Variants in CABP7 observed in about 807,000 individuals in gnomAD.
CABP7 encodes calcium-binding protein 7.
A neutral mutation model predicts 23.1 loss-of-function variants in CABP7; 13 were observed. That is an observed-to-expected ratio of 0.56 (90% CI 0.37 to 0.90). The LOEUF is 0.90. CABP7 is among the 40% of genes least tolerant of loss of function. The pLI, the probability that CABP7 is intolerant of heterozygous loss-of-function variation, is 0.01. For missense variants in CABP7, 248 were observed against 295.6 expected, an observed-to-expected ratio of 0.84 and a Z score of 1.18; for synonymous variants, 123 against 115.3, an observed-to-expected ratio of 1.07 and a Z score of -0.43.
In CABP7 at chr22:29,727,226, C is replaced by T. The variant is rs904524135; in HGVS notation, c.110-436C>T. On this transcript the variant is annotated intron_variant, in intron 1 of 4. Transcript: ENST00000216144. The surrounding 1 kb of genome is among the most constrained non-coding windows in gnomAD (Gnocchi z 4.2). Reference sequence around the variant, plus strand: ...GGCCGGTGTTAAGGATCTAAGGATCCGAGCCTGGGGGAGGAGGCGCAGCGG... The same window carrying T: ...GGCCGGTGTTAAGGATCTAAGGATCTGAGCCTGGGGGAGGAGGCGCAGCGG... 1.1e-5 allele frequency among the ~76,000 whole-genome samples: 1 copy of T among 88,040 alleles called. No individual in the cohort carries two copies. Among genetic ancestry groups the T allele is most frequent in the Middle Eastern group, 5.8e-3 (1 of 172 alleles). 57.8% of individuals were successfully genotyped at this position (88,040 alleles called of 152,430 possible). A position where few individuals can be genotyped will look rare whatever the true frequency, so the allele number is the denominator to read the frequency against.
intron 1 of CABP7, among the ~76,000 whole-genome samples, chr22:29,726,141 T>C (rs998369884): frequency 5.9e-5 from 9 of 151,986 alleles, no homozygotes; most frequent in Non-Finnish European, 1.2e-4. Flanking sequence ...GGAGACGAGA[T>C]TCCCAGGTCC....
intron 1 of CABP7, among the ~76,000 whole-genome samples, chr22:29,722,368 G>A (rs1023801489): frequency 5.3e-5 from 8 of 152,222 alleles, no homozygotes; most frequent in Admixed American, 1.3e-4. Flanking sequence ...GCCCAGCTGC[G>A]TTAGTCACCA....
intron 3 of CABP7, 70 bp downstream of exon 3, chr22:29,728,812 C>A: frequency 8.2e-7 from 1 of 1,218,474 alleles, no homozygotes; most frequent in Non-Finnish European, 1.2e-6. Context: ...CAGTGAATGG[C>A]TGGGCCCACA....
In CABP7 at chr22:29,720,492, C is replaced by T. The variant is rs773799139; in HGVS notation, c.68C>T (p.Ser23Leu). 1.3e-6 allele frequency: 2 copies of T among 1,560,998 alleles called. No homozygotes were observed. Among genetic ancestry groups the T allele is most frequent in the South Asian group, 1.2e-5 (1 of 86,828 alleles). The change falls in exon 1 of 5, where the codon TCG (serine) becomes TTG (leucine). Residue 23 changes from serine to leucine, a missense_variant. Coordinates refer to ENST00000216144, the MANE Select transcript of CABP7 (RefSeq NM_182527.3). The surrounding 1 kb of genome is among the most constrained non-coding windows in gnomAD (Gnocchi z 5.2). ...RGIYTVPNLL[S>L]EQRPVDIPED... ...ATCTACACCGTGCCCAACCTGCTGT[C>T]GGAGCAGCGCCCGGTGGACATCCCG...
Position 29,729,769 on chromosome 22 carries a change from G to A in CABP7, c.*200G>A. On this transcript the variant is annotated 3_prime_UTR_variant, in exon 5 of 5. Transcript: ENST00000216144. ...GCCTGGCTGTGGAGGGCCGGGTGGT[G>A]GCTCTGAGGATGGTCCCCAGCCCCA... is the stretch of plus-strand genomic sequence containing the variant. The A allele has an allele frequency of 1.5e-6, 1 of 673,978 alleles. No individual in the cohort carries two copies. The highest frequency in any genetic ancestry group is 2.5e-6 in the Non-Finnish European group (1 of 405,886). 41.7% of individuals were successfully genotyped at this position (673,978 alleles called of 1,614,324 possible).
chr22:29,723,486 C>T (rs537483975), intron 1 of CABP7, among the ~76,000 whole-genome samples: 4 of 152,332 alleles, frequency 2.6e-5, no homozygotes, highest in South Asian at 2.1e-4. Context: ...TCAGCTGACT[C>T]GAGCACCCAA....
chr22:29,725,737 G>A (rs1041390956), intron 1 of CABP7, among the ~76,000 whole-genome samples: 46 of 152,076 alleles, frequency 3.0e-4, no homozygotes, highest in African/African-American at 9.2e-4. Flanking sequence ...AATGGGCTGC[G>A]TGTTCAAAGG....
intron 1 of CABP7, among the ~76,000 whole-genome samples, chr22:29,723,570 C>A (rs1309083662): frequency 1.3e-5 from 2 of 152,222 alleles, no homozygotes; most frequent in Non-Finnish European, 2.9e-5. Flanking sequence ...GACCTCCAGG[C>A]AGACAGTCCC....
chr22:29,722,971 GTC>G (rs1375836136), intron 1 of CABP7, among the ~76,000 whole-genome samples: 2 of 152,232 alleles, frequency 1.3e-5, no homozygotes, highest in African/African-American at 4.8e-5. Flanking sequence ...CTGGGTTTGA[GTC>G]TCTGCACCTT....
intron 3 of CABP7, 76 bp from the exon 4 acceptor site, chr22:29,728,979 C>T (rs9614042): frequency 0.29 from 451,927 of 1,545,620 alleles, 72,760 homozygotes; most frequent in South Asian, 0.58. Flanking sequence ...GGCCTGTCAC[C>T]GGGTCTGTAT....
Position 29,727,449 on chromosome 22 carries a change from G to C in CABP7, c.110-213G>C, listed in dbSNP as rs1368878955. Among the ~76,000 whole-genome samples the C allele has an allele frequency of 6.6e-6, 1 of 152,206 alleles. No individual in the cohort carries two copies. The highest frequency in any genetic ancestry group is 1.5e-5 in the Non-Finnish European group (1 of 68,034). On this transcript the variant is annotated intron_variant, in intron 1 of 4. Coordinates refer to ENST00000216144, the MANE Select transcript of CABP7 (RefSeq NM_182527.3). The surrounding 1 kb of genome is among the most constrained non-coding windows in gnomAD (Gnocchi z 4.2). ...CAAGAGGTCACTGCTGGGGGGCCTT[G>C]AGCCCTGCTTTACTGCCCTGCTCAG...
In CABP7 at chr22:29,720,560, C is replaced by T. The variant is rs1474671412; in HGVS notation, c.109+27C>T. 2.0e-6 allele frequency: 3 copies of T among 1,467,746 alleles called. No homozygotes were observed. The highest frequency in any genetic ancestry group is 2.7e-6 in the Non-Finnish European group (3 of 1,093,960). The allele number at this position is 1,467,746 out of a possible 1,614,324, so 90.9% of individuals were successfully genotyped here. On this transcript the variant is annotated intron_variant, in intron 1 of 4. Coordinates refer to ENST00000216144, the MANE Select transcript of CABP7 (RefSeq NM_182527.3). This position sits in a 1 kb window ranked among gnomAD's most constrained non-coding sequence, Gnocchi z 5.2. ...TGAGTGTCCGCCGGGATCCCCGCCC[C>T]GGCGGCCCTCCTACCTGTGCGCCCA...
chr22:29,724,797 G>A (rs763460276), intron 1 of CABP7, among the ~76,000 whole-genome samples: 13 of 152,226 alleles, frequency 8.5e-5, no homozygotes, highest in Non-Finnish European at 1.5e-4. Context: ...AGAAAAGGCT[G>A]CTGGGCCTGC....
intron 4 of CABP7, 81 bp downstream of exon 4, chr22:29,729,289 A>T: frequency 6.6e-7 from 1 of 1,523,192 alleles, no homozygotes; most frequent in Non-Finnish European, 9.0e-7. Context: ...GAGTCTGCAG[A>T]GGGGGGCTGG....
At position 29,728,625 on chromosome 22, in the gene CABP7, A is replaced by T. The variant is rs140096; in HGVS notation, c.254-5A>T. On this transcript the variant is annotated splice_polypyrimidine_tract_variant and splice_region_variant and intron_variant, in intron 2 of 4. Transcript: ENST00000216144. ...ACTGATTGATTGGACCTGTGCCTCCACCAGGTGATGGTCAAGTGGACTTTG... is the reference window on the plus strand; with the variant it reads ...ACTGATTGATTGGACCTGTGCCTCCTCCAGGTGATGGTCAAGTGGACTTTG... 0.44 allele frequency: 698,650 copies of T among 1,591,514 alleles called. 159,102 individuals are homozygous for T. The highest frequency in any genetic ancestry group is 0.65 in the East Asian group (29,168 of 44,738).
rs780230521 is a variant in CABP7, at chr22:29,727,754, A to T, written c.202A>T (p.Met68Leu). Reference sequence around the variant, plus strand: ...CACAGCCATGCGCTCACTGGGTTACATGCCCAACGAGGTGGAGCTGGAGGT... The same window carrying T: ...CACAGCCATGCGCTCACTGGGTTACTTGCCCAACGAGGTGGAGCTGGAGGT... ...LGTAMRSLGY[M>L]PNEVELEVII... The change falls in exon 2 of 5, where the codon ATG (methionine) becomes TTG (leucine). Residue 68 changes from methionine to leucine, a missense_variant. Met to Leu is a conservative substitution (Grantham distance 15). Transcript: ENST00000216144. The surrounding 1 kb of genome is among the most constrained non-coding windows in gnomAD (Gnocchi z 4.2). 1 of 1,613,282 alleles carries T rather than the reference A, an allele frequency of 6.2e-7. No individual in the cohort carries two copies. Among genetic ancestry groups the T allele is most frequent in the Non-Finnish European group, 8.5e-7 (1 of 1,179,702 alleles).
At position 29,727,802 on chromosome 22, in the gene CABP7, G is replaced by A. The variant is rs1269176198; in HGVS notation, c.250G>A (p.Asp84Asn). ...LEVIIQRLDM[D>N]GDGQVDFEEF... ...GGTCATCATCCAGCGGCTGGACATG[G>A]ATGGTGAGCACCCCCCCGCCTCGGT... The change falls in exon 2 of 5, where the codon GAT (aspartate) becomes AAT (asparagine). Residue 84 changes from aspartate to asparagine, a missense_variant. Physicochemically the swap from Asp to Asn is conservative, Grantham distance 23. Transcript: ENST00000216144. The surrounding 1 kb of genome is among the most constrained non-coding windows in gnomAD (Gnocchi z 4.2). 1.9e-6 allele frequency: 3 copies of A among 1,607,366 alleles called. No individual in the cohort carries two copies. In the South Asian group the frequency reaches 3.3e-5, roughly 18 times the overall value.
chr22:29,720,538 G>A lies in CABP7; in HGVS notation c.109+5G>A. On this transcript the variant is annotated splice_donor_5th_base_variant and intron_variant, in intron 1 of 4. Coordinates refer to ENST00000216144, the MANE Select transcript of CABP7 (RefSeq NM_182527.3). This position sits in a 1 kb window ranked among gnomAD's most constrained non-coding sequence, Gnocchi z 5.2. ...TCCCGGAGGACGAGCTGGAGGGTGA[G>A]TGTCCGCCGGGATCCCCGCCCCGGC... 6.6e-7 allele frequency: 1 copy of A among 1,522,448 alleles called. No individual in the cohort carries two copies. Among genetic ancestry groups the A allele is most frequent in the Non-Finnish European group, 8.8e-7 (1 of 1,133,846 alleles). 94.3% of individuals were successfully genotyped at this position (1,522,448 alleles called of 1,614,324 possible).
At position 29,729,074 on chromosome 22, in the gene CABP7, CGGT is replaced by C; in HGVS notation, c.389_391del (p.Val130del). 1 of 1,611,326 alleles carries C rather than the reference CGGT, an allele frequency of 6.2e-7. No individual in the cohort carries two copies. Among genetic ancestry groups the C allele is most frequent in the South Asian group, 1.1e-5 (1 of 90,996 alleles). On this transcript the variant is annotated inframe_deletion, in exon 4 of 5. Transcript: ENST00000216144. ...CGCAAGTGCGACATGCAGAAGCTGA[CGGT>C]GGATGAGCTGAAGCGGCTGCTCTAC...
Sources: gnomAD v4.1 joint callset for allele counts (sites outside exome capture counted in the v4.1 genomes callset) on GRCh38, gnomAD v4.1.1 for gene constraint, Gnocchi (gnomAD v3.1) non-coding constraint, MANE v1.5 for transcripts, NCBI Gene and HGNC (gene_info 2026-07-23, HGNC 2026-07-21) for gene names.